Variants in SYNE2 observed in about 807,000 individuals in gnomAD.
SYNE2 encodes the protein nesprin-2.
SYNE2 carries 431 observed loss-of-function variants against 856.3 expected under a neutral mutation model. The ratio of observed to expected loss-of-function variants is 0.50; its 90% CI spans 0.47 to 0.55. SYNE2 has a LOEUF of 0.55. Among genes scored for constraint, SYNE2 ranks in the 20% least tolerant of loss-of-function variants. SYNE2 has a pLI of 0.00. For synonymous variants in SYNE2, 2,923 were observed against 2,872.3 expected, an observed-to-expected ratio of 1.02 and a Z score of -0.56; for missense variants, 8,129 against 8,023.2, an observed-to-expected ratio of 1.01 and a Z score of -0.50.
chr14:64,195,620 A>G (rs971751523), intron 99 of SYNE2, among the ~76,000 whole-genome samples: 1 of 152,256 alleles, frequency 6.6e-6, no homozygotes, highest in African/African-American at 2.4e-5. Context: ...TTAAAATGTT[A>G]CCGTTAAACT....
chr14:63,835,794 A>G (rs1463411156), intron 1 of SYNE2, among the ~76,000 whole-genome samples: 4 of 152,018 alleles, frequency 2.6e-5, no homozygotes, highest in African/African-American at 9.7e-5. Context: ...GATCAGCCTC[A>G]CCAACATGGA....
intron 1 of SYNE2, among the ~76,000 whole-genome samples, chr14:63,813,956 G>A (rs1888720496): frequency 6.6e-6 from 1 of 152,130 alleles, no homozygotes; most frequent in Non-Finnish European, 1.5e-5. Flanking sequence ...TACTCAGGAG[G>A]CTGAGGCAGA....
intron 45 of SYNE2, chr14:64,034,356 G>A: frequency 2.6e-6 from 1 of 390,896 alleles, no homozygotes; most frequent in South Asian, 1.2e-4. Flanking sequence ...TAATTAAATT[G>A]CTAATTAATA....
intron 11 of SYNE2, among the ~76,000 whole-genome samples, chr14:63,970,253 A>G (rs905939460): frequency 5.3e-5 from 8 of 152,196 alleles, no homozygotes; most frequent in Non-Finnish European, 1.2e-4. Context: ...CACCAGCACA[A>G]TCATGGCTTA....
chr14:63,842,140 G>C (rs973325427), intron 1 of SYNE2, among the ~76,000 whole-genome samples: 5 of 147,896 alleles, frequency 3.4e-5, no homozygotes, highest in African/African-American at 1.2e-4. Flanking sequence ...GCCTTTTTTT[G>C]CCCATTTTTC....
chr14:63,908,084 C>T (rs2095429838), intron 1 of SYNE2, among the ~76,000 whole-genome samples: 1 of 152,000 alleles, frequency 6.6e-6, no homozygotes, highest in South Asian at 2.1e-4. Flanking sequence ...TTGAAGTGTT[C>T]TGTTTAATAT....
At chr14:64,224,948 A>C in intron 114 of SYNE2, 51 bp from the exon 115 acceptor site, 1 of 1,547,586 alleles carries the variant, frequency 6.5e-7, no homozygotes, top group Non-Finnish European at 8.9e-7. Flanking sequence ...TTTATCATTG[A>C]TAGGACTAAA....
At chr14:63,972,005 C>A (rs1288590477) in intron 11 of SYNE2, among the ~76,000 whole-genome samples, 3 of 152,174 alleles carry the variant, frequency 2.0e-5, no homozygotes, top group African/African-American at 7.2e-5. Context: ...TCAGGAGTGG[C>A]AGCCTGTTTT....
At chr14:64,154,581 TCAG>T (rs1467178509) in intron 85 of SYNE2, among the ~76,000 whole-genome samples, 1 of 151,918 alleles carries the variant, frequency 6.6e-6, no homozygotes. Context: ...TCGCTTGAAT[TCAG>T]CAGTTTAAGA....
intron 31 of SYNE2, among the ~76,000 whole-genome samples, chr14:64,008,346 T>C (rs538641336): frequency 4.9e-4 from 75 of 152,286 alleles, no homozygotes; most frequent in Non-Finnish European, 9.7e-4. Context: ...ATTCACAAGA[T>C]CCAGGGATTA....
intron 6 of SYNE2, among the ~76,000 whole-genome samples, chr14:63,948,780 G>GTATATATA (rs1432911343): frequency 7.3e-5 from 6 of 81,970 alleles, no homozygotes; most frequent in East Asian, 3.5e-4. Flanking sequence ...GTATGTGTGT[G>GTATATATA]TGTATATATA....
Position 63,845,407 on chromosome 14 carries a change from ACT to A in SYNE2, c.-304-7091_-304-7090del, listed in dbSNP as rs558552521. Among the ~76,000 whole-genome samples the A allele has an allele frequency of 5.3e-5, 8 of 149,684 alleles. No homozygotes were observed. The South Asian group carries it at 1.7e-3, about 32-fold the overall frequency. On this transcript the variant is annotated intron_variant, in intron 1 of 23. Coordinates refer to the SYNE2 transcript ENST00000674003. ...CTCCAGCCTGGGTGACAACAGCAAA[ACT>A]CTGTCTCAAAAAAAAAAAAAAAGTC... is the stretch of plus-strand genomic sequence containing the variant.
chr14:64,225,175 C>G lies in SYNE2; in HGVS notation c.20516+130C>G, dbSNP rs1056525574. 5.2e-6 allele frequency: 8 copies of G among 1,548,534 alleles called. No individual in the cohort carries two copies. The African/African-American group carries it at 6.8e-5, about 13-fold the overall frequency. Reference sequence around the variant, plus strand: ...CTTTTGTCTGGAAAGGGCTGGTTTTCTCCTCTGAAACTGAACCCCAACTGT... The same window carrying G: ...CTTTTGTCTGGAAAGGGCTGGTTTTGTCCTCTGAAACTGAACCCCAACTGT... On this transcript the variant is annotated intron_variant, in intron 115 of 115. Coordinates refer to ENST00000555002, the MANE Select transcript of SYNE2 (RefSeq NM_182914.3).
intron 1 of SYNE2, among the ~76,000 whole-genome samples, chr14:63,782,148 C>A (rs12878224): frequency 0.5 from 73,428 of 147,708 alleles, 19,877 homozygotes; most frequent in South Asian, 0.66. Context: ...AAAAAAAAAA[C>A]CAAAAACAAA....
In SYNE2 at chr14:64,116,607, G is replaced by A. The variant is rs1026924576; in HGVS notation, c.12841-2820G>A. Among the ~76,000 whole-genome samples the A allele has an allele frequency of 2.6e-5, 4 of 152,216 alleles. No individual in the cohort carries two copies. In the South Asian group the frequency reaches 6.2e-4, roughly 24 times the overall value. On this transcript the variant is annotated intron_variant, in intron 66 of 115. Transcript: ENST00000555002. ...TAATTTTTGTATTTTTAGTAGAAACGGTTTCCCCATGTTGGCCAGGGTGAT... is the reference window on the plus strand; with the variant it reads ...TAATTTTTGTATTTTTAGTAGAAACAGTTTCCCCATGTTGGCCAGGGTGAT...
chr14:64,020,461 A>G (rs139535660), intron 35 of SYNE2, among the ~76,000 whole-genome samples: 3 of 152,360 alleles, frequency 2.0e-5, no homozygotes, highest in African/African-American at 7.2e-5. Context: ...AGGATCATTT[A>G]TTCAATTCCT....
chr14:63,903,190 C>T (rs2095361641), intron 1 of SYNE2, among the ~76,000 whole-genome samples: 1 of 152,190 alleles, frequency 6.6e-6, no homozygotes, highest in South Asian at 2.1e-4. Context: ...ATTATATCCT[C>T]ATGGCCTCTG....
At chr14:63,778,364 G>A (rs1453499003) in intron 1 of SYNE2, among the ~76,000 whole-genome samples, 3 of 151,928 alleles carry the variant, frequency 2.0e-5, no homozygotes, top group African/African-American at 7.3e-5. Flanking sequence ...CCCAGTCTTG[G>A]GTTTGTCTTT....
intron 90 of SYNE2, 106 bp from the exon 91 acceptor site, chr14:64,167,127 C>T (rs2098384370): frequency 2.8e-6 from 4 of 1,439,568 alleles, no homozygotes; most frequent in South Asian, 2.4e-5. Context: ...AGTCATTTGC[C>T]TGTTCAGGCC....
Sources: allele counts gnomAD v4.1 joint callset (sites outside exome capture counted in the v4.1 genomes callset), GRCh38; gene constraint gnomAD v4.1.1; transcripts MANE v1.5; gene names NCBI Gene and HGNC (gene_info 2026-07-23, HGNC 2026-07-21).